GLB1: variants seen among roughly 807,000 people sequenced by gnomAD.
GLB1 encodes beta-galactosidase.
Under a neutral mutation model 74.0 loss-of-function variants are expected in GLB1, and 56 were observed. The observed-to-expected ratio is 0.76, with a 90% CI of 0.61 to 0.94. The LOEUF (loss-of-function observed/expected upper bound fraction) is 0.94, where lower values mean the gene tolerates loss of function less well. Among genes scored for constraint, GLB1 ranks in the 40% least tolerant of loss-of-function variants. The probability of loss-of-function intolerance (pLI) is 0.00; values close to 1 mark genes in which losing one functional copy is unlikely to be tolerated. For missense variants in GLB1, 787 were observed against 845.5 expected, an observed-to-expected ratio of 0.93 and a Z score of 0.86; for synonymous variants, 323 against 323.6, an observed-to-expected ratio of 1.00 and a Z score of 0.02.
intron 7 of GLB1, 105 bp from the exon 8 acceptor site, chr3:33,052,109 T>G (rs894899314): frequency 6.3e-7 from 1 of 1,589,198 alleles, no homozygotes; most frequent in African/African-American, 1.3e-5. Context: ...GGGGTTGACA[T>G]GCTGACATGC....
Position 33,097,005 on chromosome 3 carries a change from A to AC in GLB1, c.75+5dup. Reference sequence around the variant, plus strand: ...GCCTCCCCGTACCCGGGTCCCGCAGACTTACGCGCAAGCCGCGCGTAGGGC... The same window carrying AC: ...GCCTCCCCGTACCCGGGTCCCGCAGACCTTACGCGCAAGCCGCGCGTAGGGC... On this transcript the variant is annotated splice_donor_region_variant and intron_variant, in intron 1 of 15. Transcript: ENST00000307363. 6.2e-7 allele frequency: 1 copy of AC among 1,611,506 alleles called. No homozygotes were observed. Among genetic ancestry groups the AC allele is most frequent in the South Asian group, 1.1e-5 (1 of 90,752 alleles).
chr3:33,085,903 C>G (rs1035541476), intron 1 of GLB1, among the ~76,000 whole-genome samples: 2 of 140,330 alleles, frequency 1.4e-5, no homozygotes, highest in African/African-American at 5.4e-5. Flanking sequence ...GAGACTCTGT[C>G]TCTACCAAAA....
At chr3:33,011,012 A>C (rs759583246) in intron 15 of GLB1, among the ~76,000 whole-genome samples, 9 of 151,970 alleles carry the variant, frequency 5.9e-5, no homozygotes, top group Non-Finnish European at 1.0e-4. Context: ...ACTCACCACC[A>C]CGCCTGGCTA....
At chr3:33,039,960 G>A (rs1698434784) in intron 10 of GLB1, among the ~76,000 whole-genome samples, 1 of 152,136 alleles carries the variant, frequency 6.6e-6, no homozygotes, top group Non-Finnish European at 1.5e-5. Flanking sequence ...ATACAAATAT[G>A]GAATGGTATT....
At chr3:33,031,628 AAAAAAAAAAAAAATATATAT>A (rs1698016928) in intron 10 of GLB1, among the ~76,000 whole-genome samples, 2 of 73,102 alleles carry the variant, frequency 2.7e-5, no homozygotes, top group Non-Finnish European at 5.4e-5. Flanking sequence ...AAAAAAAAAA[AAAAAAAAAAAAAATATATAT>A]ATATATATAT....
chr3:33,034,772 T>C, intron 10 of GLB1: 2 of 646,514 alleles, frequency 3.1e-6, no homozygotes, highest in South Asian at 2.7e-5. Context: ...GGGCTCTGTG[T>C]CAGCTTCAGT....
In GLB1 at chr3:33,014,081, A is replaced by C. The variant is rs919045696; in HGVS notation, c.1709T>G (p.Phe570Cys). Residue 570 changes from phenylalanine (F) to cysteine (C), a missense_variant, in exon 15 of 16, where the codon TTT becomes TGT. Coordinates refer to ENST00000307363, the MANE Select transcript of GLB1 (RefSeq NM_000404.4). The stretch of plus-strand genomic sequence containing the variant: ...CTTGGTCCATCCAGGAAACTGGATA[A>C]AGGTGTCCTGGGGCAAGTCTGGGAT... ...SGIPDLPQDT[F>C]IQFPGWTKGQ... is the part of the protein sequence containing the mutation. 1 of 1,614,092 alleles carries C rather than the reference A, an allele frequency of 6.2e-7. No homozygotes were observed. The highest frequency in any genetic ancestry group is 8.5e-7 in the Non-Finnish European group (1 of 1,180,046).
At chr3:33,056,406 G>T (rs1329209023) in intron 6 of GLB1, among the ~76,000 whole-genome samples, 9 of 148,792 alleles carry the variant, frequency 6.0e-5, no homozygotes, top group Non-Finnish European at 1.0e-4. Flanking sequence ...GGTCTTTTTT[G>T]TGTGTGTGTA....
rs770330156 is a variant in GLB1 at position 33,093,170 on chromosome 3, C to T, written c.75+3841G>A. The T allele has an allele frequency of 1.2e-6, 2 of 1,614,142 alleles. No individual in the cohort carries two copies. The highest frequency in any genetic ancestry group is 1.7e-6 in the Non-Finnish European group (2 of 1,180,024). On this transcript the variant is annotated intron_variant, in intron 1 of 15. Coordinates refer to ENST00000307363, the MANE Select transcript of GLB1 (RefSeq NM_000404.4). The surrounding 1 kb of genome is among the most constrained non-coding windows in gnomAD (Gnocchi z 6.0). Reference sequence around the variant, plus strand: ...GATCCATGCCATGGCCAGAGTAGTGCAGGATGTCTGCTTCAATATCGTCCA... The same window carrying T: ...GATCCATGCCATGGCCAGAGTAGTGTAGGATGTCTGCTTCAATATCGTCCA...
At position 33,026,886 on chromosome 3, in the gene GLB1, C is replaced by T. The variant is rs140562081; in HGVS notation, c.1069-2561G>A. ...GTGGGCCTCCTCTGAGCTGTTCTATCGCTCAATAAAGCTACTCTTCATCTT... is the reference window on the plus strand; with the variant it reads ...GTGGGCCTCCTCTGAGCTGTTCTATTGCTCAATAAAGCTACTCTTCATCTT... On this transcript the variant is annotated intron_variant, in intron 10 of 15. Coordinates refer to ENST00000307363, the MANE Select transcript of GLB1 (RefSeq NM_000404.4). Among the ~76,000 whole-genome samples, 34 of 152,270 alleles carry T rather than the reference C, an allele frequency of 2.2e-4. No individual in the cohort carries two copies. In the East Asian group the frequency reaches 5.6e-3, roughly 25 times the overall value.
At position 33,021,281 on chromosome 3, in the gene GLB1, T is replaced by C. The variant is rs200787795; in HGVS notation, c.1233+285A>G. 1.5e-5 allele frequency: 7 copies of C among 464,174 alleles called. No homozygotes were observed. In the East Asian group the frequency reaches 2.8e-4, roughly 19 times the overall value. 28.8% of individuals were successfully genotyped at this position (464,174 alleles called of 1,614,324 possible). A position where few individuals can be genotyped will look rare whatever the true frequency, so the allele number is the denominator to read the frequency against. Reference sequence around the variant, plus strand: ...GCCTAGTAATAAAGATTAATTAGATTGGTCAGTGAACTCAATTTATAACTT... The same window carrying C: ...GCCTAGTAATAAAGATTAATTAGATCGGTCAGTGAACTCAATTTATAACTT... On this transcript the variant is annotated intron_variant, in intron 12 of 15. Coordinates refer to ENST00000307363, the MANE Select transcript of GLB1 (RefSeq NM_000404.4).
intron 12 of GLB1, chr3:33,021,245 C>A (rs1244181683): frequency 5.1e-6 from 2 of 393,846 alleles, no homozygotes; most frequent in Non-Finnish European, 9.6e-6. Context: ...AAACAGTGAT[C>A]TTCCACTGAT....
chr3:33,051,409 C>A (rs1314053227), intron 9 of GLB1, among the ~76,000 whole-genome samples: 3 of 150,266 alleles, frequency 2.0e-5, no homozygotes, highest in Admixed American at 6.6e-5. Flanking sequence ...CCAGCCTGGC[C>A]AACATGGTGA....
intron 1 of GLB1, 92 bp from the exon 2 acceptor site, chr3:33,072,805 T>C: frequency 6.4e-7 from 1 of 1,561,694 alleles, no homozygotes; most frequent in Non-Finnish European, 8.7e-7. Context: ...CTCTGCCTAT[T>C]GAATTTGTAT....
intron 15 of GLB1, among the ~76,000 whole-genome samples, chr3:33,002,452 C>T (rs865863311): frequency 1.3e-5 from 2 of 150,496 alleles, no homozygotes; most frequent in African/African-American, 2.4e-5. Context: ...ATTGCAGCCT[C>T]GAATTCTTGG....
At chr3:33,087,042 T>A (rs1700530848) in intron 1 of GLB1, among the ~76,000 whole-genome samples, 1 of 146,258 alleles carries the variant, frequency 6.8e-6, no homozygotes, top group African/African-American at 2.5e-5. Context: ...CTTAACTAGA[T>A]TTAAAAAAAA....
In GLB1 at chr3:33,018,502, A is replaced by G. The variant is rs535594294; in HGVS notation, c.1293T>C (p.Pro431=). The change falls in exon 13 of 16, where the codon CCT becomes CCC. Residue 431 remains proline, a synonymous_variant. Transcript: ENST00000307363. ...GGACTCCATTGAGGGGTGAAGAGAG[A>G]GGTGCTGGGTTGCTGCAATCTTGAG... is the stretch of plus-strand genomic sequence containing the variant. ...TLPQDCSNPA[P]LSSPLNGVHD... 2 of 1,614,020 alleles carry G rather than the reference A, an allele frequency of 1.2e-6. No individual in the cohort carries two copies. Among genetic ancestry groups the G allele is most frequent in the South Asian group, 2.2e-5 (2 of 91,074 alleles).
intron 6 of GLB1, among the ~76,000 whole-genome samples, chr3:33,056,439 G>A (rs1040589793): frequency 1.8e-4 from 27 of 151,240 alleles, no homozygotes; most frequent in African/African-American, 6.5e-4. Flanking sequence ...TTTGAGACAG[G>A]GTCTTGCTCT....
chr3:33,021,761 C>G, intron 11 of GLB1, 106 bp from the exon 12 acceptor site: 1 of 1,204,636 alleles, frequency 8.3e-7, no homozygotes, highest in Non-Finnish European at 1.2e-6. Flanking sequence ...TGACCAAACC[C>G]CTAAATAAAC....
Sources: gnomAD v4.1 joint callset for allele counts (sites outside exome capture counted in the v4.1 genomes callset) on GRCh38, gnomAD v4.1.1 for gene constraint, Gnocchi (gnomAD v3.1) non-coding constraint, MANE v1.5 for transcripts, NCBI Gene and HGNC (gene_info 2026-07-23, HGNC 2026-07-21) for gene names.